ZNF776: variants seen among roughly 807,000 people sequenced by gnomAD.
The protein encoded by ZNF776 is zinc finger protein 776.
A neutral mutation model predicts 7.0 loss-of-function variants in ZNF776; 4 were observed. The observed-to-expected ratio is 0.57, with a 90% CI of 0.28 to 1.31. The LOEUF (loss-of-function observed/expected upper bound fraction) is 1.31, where lower values mean the gene tolerates loss of function less well. Among genes scored for constraint, ZNF776 ranks in the 50% most tolerant of loss-of-function variants. The pLI, the probability that ZNF776 is intolerant of heterozygous loss-of-function variation, is 0.10. For synonymous variants in ZNF776, 212 were observed against 213.7 expected (o/e 0.99, Z 0.07); for missense variants, 555 against 625.9 (o/e 0.89, Z 1.21).
chr19:57,749,683 G>T (rs924951965), intron 1 of ZNF776, among the ~76,000 whole-genome samples: 1 of 152,128 alleles, frequency 6.6e-6, no homozygotes, highest in Non-Finnish European at 1.5e-5. Flanking sequence ...CCTTTTATTA[G>T]GGAGACCAGG....
In ZNF776 at chr19:57,747,039, C is replaced by T. The variant is rs1414871571; in HGVS notation, c.-20C>T. On this transcript the variant is annotated 5_prime_UTR_variant, in exon 1 of 3. Transcript: ENST00000317178. ...ACTGCTCGCCCCCTCCTTTCGACCCCGCTTTCCCCACCCAGTCGGATGGCG... is the reference window on the plus strand; with the variant it reads ...ACTGCTCGCCCCCTCCTTTCGACCCTGCTTTCCCCACCCAGTCGGATGGCG... 43 of 1,577,692 alleles carry T rather than the reference C, an allele frequency of 2.7e-5. No homozygotes were observed. Among genetic ancestry groups the T allele is most frequent in the Non-Finnish European group, 3.7e-5 (43 of 1,161,476 alleles).
At position 57,747,097 on chromosome 19, in the gene ZNF776, T is replaced by A. The variant is rs1314154765; in HGVS notation, c.33+6T>A. The A allele has an allele frequency of 3.8e-6, 6 of 1,591,188 alleles. No homozygotes were observed. Among genetic ancestry groups the A allele is most frequent in the Non-Finnish European group, 5.1e-6 (6 of 1,169,054 alleles). On this transcript the variant is annotated splice_donor_region_variant and intron_variant, in intron 1 of 2. Transcript: ENST00000317178. ...CGCTGAGGCCCCCGGCTCAGGTAAT[T>A]GTGGCGTCTTCCGTGCCCTCAGGTC...
Position 57,755,538 on chromosome 19 carries a change from C to T in ZNF776, c.*851C>T, listed in dbSNP as rs1335093557. On this transcript the variant is annotated 3_prime_UTR_variant, in exon 3 of 3. Coordinates refer to ENST00000317178, the MANE Select transcript of ZNF776 (RefSeq NM_173632.4). Reference sequence around the variant, plus strand: ...GAGCATTTGCGAGGGCTTCACTCTTCTTTCACTGGATACCAGAATGTTGAC... The same window carrying T: ...GAGCATTTGCGAGGGCTTCACTCTTTTTTCACTGGATACCAGAATGTTGAC... 1 of 152,200 alleles carries T rather than the reference C, an allele frequency of 6.6e-6. No homozygotes were observed. The highest frequency in any genetic ancestry group is 2.4e-5 in the African/African-American group (1 of 41,444). 9.4% of individuals were successfully genotyped at this position (152,200 alleles called of 1,614,324 possible).
At chr19:57,747,387 G>A (rs1986467455) in intron 1 of ZNF776, among the ~76,000 whole-genome samples, 1 of 152,166 alleles carries the variant, frequency 6.6e-6, no homozygotes, top group African/African-American at 2.4e-5. Context: ...TGGAAGAGCA[G>A]GCTGAGGACC....
At position 57,757,396 on chromosome 19, in the gene ZNF776, T is replaced by G. The variant is rs1314072306; in HGVS notation, c.*2709T>G. ...TACCAAAAAGCCATCCCTGAATTAGTAGGAGGAAGAGGATAGGGAGAAAGG... is the reference window on the plus strand; with the variant it reads ...TACCAAAAAGCCATCCCTGAATTAGGAGGAGGAAGAGGATAGGGAGAAAGG... On this transcript the variant is annotated 3_prime_UTR_variant, in exon 3 of 3. Coordinates refer to ENST00000317178, the MANE Select transcript of ZNF776 (RefSeq NM_173632.4). The G allele has an allele frequency of 6.6e-6, 1 of 152,174 alleles. No homozygotes were observed. Among genetic ancestry groups the G allele is most frequent in the Non-Finnish European group, 1.5e-5 (1 of 68,116 alleles). The allele number at this position is 152,174 out of a possible 1,614,324, so 9.4% of individuals were successfully genotyped here.
At position 57,757,586 on chromosome 19, in the gene ZNF776, A is replaced by ATTT. The variant is rs1986814645; in HGVS notation, c.*2900_*2902dup. On this transcript the variant is annotated 3_prime_UTR_variant, in exon 3 of 3. Coordinates refer to ENST00000317178, the MANE Select transcript of ZNF776 (RefSeq NM_173632.4). ...GAGTCAATGTAAAATCACATAACCT[A>ATTT]TTTGTCAAAAATAATGTTAAATCCA... 1 of 152,070 alleles carries ATTT rather than the reference A, an allele frequency of 6.6e-6. No homozygotes were observed. Among genetic ancestry groups the ATTT allele is most frequent in the African/African-American group, 2.4e-5 (1 of 41,336 alleles). The allele number at this position is 152,070 out of a possible 1,614,324, so 9.4% of individuals were successfully genotyped here. A position where few individuals can be genotyped will look rare whatever the true frequency, so the allele number is the denominator to read the frequency against.
Position 57,754,996 on chromosome 19 carries a change from G to A in ZNF776, c.*309G>A, listed in dbSNP as rs1272460791. ...CTCACTGAACACTACTGAGTTCACA[G>A]TTGAGAAAGGCCATATGACTGTAAG... On this transcript the variant is annotated 3_prime_UTR_variant, in exon 3 of 3. Coordinates refer to ENST00000317178, the MANE Select transcript of ZNF776 (RefSeq NM_173632.4). The A allele has an allele frequency of 6.2e-6, 2 of 324,816 alleles. No individual in the cohort carries two copies. The highest frequency in any genetic ancestry group is 1.2e-4 in the East Asian group (2 of 17,178). The allele number at this position is 324,816 out of a possible 1,614,324, so 20.1% of individuals were successfully genotyped here. A position where few individuals can be genotyped will look rare whatever the true frequency, so the allele number is the denominator to read the frequency against.
Position 57,754,611 on chromosome 19 carries a change from G to A in ZNF776, c.1481G>A (p.Gly494Glu). 1.2e-6 allele frequency: 2 copies of A among 1,614,078 alleles called. No individual in the cohort carries two copies. The highest frequency in any genetic ancestry group is 2.2e-5 in the South Asian group (2 of 91,080). The change falls in exon 3 of 3, where the codon GGA becomes GAA. Residue 494 changes from glycine (G) to glutamate (E), a missense_variant. Coordinates refer to ENST00000317178, the MANE Select transcript of ZNF776 (RefSeq NM_173632.4). ...AGGCCACATGAGTGTGGAGAATGTG[G>A]AAAGTGTTTTCGTCAAAAGGGAAAC... ...GERPHECGEC[G>E]KCFRQKGNLI...
At chr19:57,753,245 C>T (rs1282185734) in intron 2 of ZNF776, 46 bp from the exon 3 acceptor site, 4 of 1,564,810 alleles carry the variant, frequency 2.6e-6, no homozygotes, top group Non-Finnish European at 3.5e-6. Flanking sequence ...AGTAATACTT[C>T]CCTTCGGAAG....
At position 57,753,379 on chromosome 19, in the gene ZNF776, T is replaced by C. The variant is rs756125145; in HGVS notation, c.249T>C (p.Gly83=). The C allele has an allele frequency of 2.5e-6, 4 of 1,614,096 alleles. No homozygotes were observed. The highest frequency in any genetic ancestry group is 3.4e-6 in the Non-Finnish European group (4 of 1,180,022). Residue 83 remains glycine, a synonymous_variant, in exon 3 of 3, where the codon GGT becomes GGC. Coordinates refer to ENST00000317178, the MANE Select transcript of ZNF776 (RefSeq NM_173632.4). ...QESPLRTHWT[G]VCTKKVHLWG... is the part of the protein sequence containing the mutation. ...CCCCACTCAGGACACATTGGACAGGTGTATGTACCAAGAAGGTCCACCTCT... is the reference window on the plus strand; with the variant it reads ...CCCCACTCAGGACACATTGGACAGGCGTATGTACCAAGAAGGTCCACCTCT...
intron 1 of ZNF776, among the ~76,000 whole-genome samples, chr19:57,748,099 A>G (rs1986493225): frequency 6.6e-6 from 1 of 152,176 alleles, no homozygotes; most frequent in Non-Finnish European, 1.5e-5. Context: ...AGTGGAGAAC[A>G]GACTGTGGGG....
intron 1 of ZNF776, among the ~76,000 whole-genome samples, chr19:57,747,371 T>C (rs1213555341): frequency 6.6e-6 from 1 of 151,910 alleles, no homozygotes; most frequent in Admixed American, 6.6e-5. Flanking sequence ...GAGGCAGAGC[T>C]CCTCCTGGAA....
At chr19:57,751,426 G>A (rs111307613) in intron 2 of ZNF776, among the ~76,000 whole-genome samples, 25,532 of 151,890 alleles carry the variant, frequency 0.17, 5,523 homozygotes, top group African/African-American at 0.51. Context: ...CAGTGCTGCA[G>A]TCATAGCTCA....
chr19:57,747,299 G>C (rs1258094901), intron 1 of ZNF776, among the ~76,000 whole-genome samples: 1 of 152,200 alleles, frequency 6.6e-6, no homozygotes. Flanking sequence ...AAGGCCTGGA[G>C]ATGAACTGAG....
Position 57,753,778 on chromosome 19 carries a change from G to A in ZNF776, c.648G>A (p.Pro216=), listed in dbSNP as rs35106847. 1,330 of 1,614,208 alleles carry A rather than the reference G, an allele frequency of 8.2e-4. 9 individuals carry two copies. The African/African-American group carries it at 0.015, about 18-fold the overall frequency. ...THYICGESTI[P]FSNKHSLVLH... is the part of the protein sequence containing the mutation. ...ACATCTGTGGAGAGTCCACAATACC[G>A]TTTAGCAACAAACACTCACTTGTCC... The change falls in exon 3 of 3, where the codon CCG becomes CCA. Residue 216 remains proline, a synonymous_variant. Transcript: ENST00000317178.
At position 57,754,117 on chromosome 19, in the gene ZNF776, T is replaced by C; in HGVS notation, c.987T>C (p.Phe329=). Residue 329 remains phenylalanine (F), a synonymous_variant, in exon 3 of 3, where the codon TTT becomes TTC. Coordinates refer to ENST00000317178, the MANE Select transcript of ZNF776 (RefSeq NM_173632.4). ...AATGTGACGAATGTGGGAAATCTTT[T>C]AGCCATAAGCGCAGCCTTGTTCACC... is the stretch of plus-strand genomic sequence containing the variant. The part of the protein sequence containing the change: ...PYECDECGKS[F]SHKRSLVHHQ... 6.2e-7 allele frequency: 1 copy of C among 1,614,124 alleles called. No homozygotes were observed. Among genetic ancestry groups the C allele is most frequent in the African/African-American group, 1.3e-5 (1 of 75,058 alleles).
chr19:57,748,794 G>A (rs1018991205), intron 1 of ZNF776, among the ~76,000 whole-genome samples: 2 of 152,082 alleles, frequency 1.3e-5, no homozygotes, highest in African/African-American at 2.4e-5. Flanking sequence ...CAAATTGAGG[G>A]AAGATGACAC....
Position 57,755,799 on chromosome 19 carries a change from A to G in ZNF776, c.*1112A>G, listed in dbSNP as rs1326914075. The stretch of plus-strand genomic sequence containing the variant: ...ATTTCATCTCTACCACTTGGCAGGT[A>G]CCTACAGTGCATCACTCATGCACTC... On this transcript the variant is annotated 3_prime_UTR_variant, in exon 3 of 3. Coordinates refer to ENST00000317178, the MANE Select transcript of ZNF776 (RefSeq NM_173632.4). 2 of 152,222 alleles carry G rather than the reference A, an allele frequency of 1.3e-5. No homozygotes were observed. Among genetic ancestry groups the G allele is most frequent in the Non-Finnish European group, 2.9e-5 (2 of 68,046 alleles). The allele number at this position is 152,222 out of a possible 1,614,324, so 9.4% of individuals were successfully genotyped here.
intron 1 of ZNF776, among the ~76,000 whole-genome samples, chr19:57,748,023 A>G (rs1006920940): frequency 6.6e-6 from 1 of 152,114 alleles, no homozygotes; most frequent in African/African-American, 2.4e-5. Flanking sequence ...TTAGAGGTGA[A>G]ACTGACCAGA....
Sources: gnomAD v4.1 joint callset for allele counts (sites outside exome capture counted in the v4.1 genomes callset) on GRCh38, gnomAD v4.1.1 for gene constraint, MANE v1.5 for transcripts, NCBI Gene and HGNC (gene_info 2026-07-23, HGNC 2026-07-21) for gene names.